TAF4: variants seen among roughly 807,000 people sequenced by gnomAD.
TAF4 encodes the protein TATA-box binding protein associated factor 4.
TAF4 carries 9 observed loss-of-function variants against 90.3 expected under a neutral mutation model. The ratio of observed to expected loss-of-function variants is 0.10; its 90% CI spans 0.06 to 0.17. TAF4 has a LOEUF of 0.17. Ranked by LOEUF, TAF4 falls within the 10% of genes least tolerant of loss-of-function variation. The probability of loss-of-function intolerance (pLI) is 1.00; values close to 1 mark genes in which losing one functional copy is unlikely to be tolerated. For synonymous variants in TAF4, 818 were observed against 638.9 expected (o/e 1.28, Z -4.23); for missense variants, 1,351 against 1,370.7 (o/e 0.99, Z 0.23).
chr20:62,054,536 G>A (rs1055469725), intron 1 of TAF4, among the ~76,000 whole-genome samples: 13 of 152,094 alleles, frequency 8.5e-5, no homozygotes, highest in Non-Finnish European at 1.5e-4. Flanking sequence ...TCTCAGCAAC[G>A]GCCACGCCAT....
chr20:62,034,258 G>C (rs892827120), intron 1 of TAF4, among the ~76,000 whole-genome samples: 4 of 152,196 alleles, frequency 2.6e-5, no homozygotes, highest in African/African-American at 4.8e-5. Context: ...AAGAGTGCTA[G>C]AGTAAGATCA....
Position 62,000,463 on chromosome 20 carries a change from G to T in TAF4, c.2656+89C>A. ...AATCACAAACTCAGACAAAACACAT[G>T]ACCAGGTGTCAGGTGTGCTCACCTG... is the stretch of plus-strand genomic sequence containing the variant. On this transcript the variant is annotated intron_variant, in intron 10 of 14. Coordinates refer to ENST00000252996, the MANE Select transcript of TAF4 (RefSeq NM_003185.4). The T allele has an allele frequency of 2.0e-6, 3 of 1,469,390 alleles. No individual in the cohort carries two copies. The South Asian group carries it at 4.0e-5, about 19-fold the overall frequency. 91.0% of individuals were successfully genotyped at this position (1,469,390 alleles called of 1,614,324 possible).
chr20:62,044,962 C>T (rs2055984847), intron 1 of TAF4, among the ~76,000 whole-genome samples: 1 of 152,156 alleles, frequency 6.6e-6, no homozygotes, highest in Non-Finnish European at 1.5e-5. Context: ...GCACAGGGAG[C>T]AGTCCGACAT....
Position 62,064,512 on chromosome 20 carries a change from G to C in TAF4, c.1299C>G (p.Ala433=). The part of the protein sequence containing the change: ...IRATLTPTVL[A]PRLPQPPQNP... ...TCTGAGGCGGCTGCGGCAAGCGGGG[G>C]GCCAGCACGGTGGGCGTCAGGGTGG... Residue 433 remains alanine, a synonymous_variant, in exon 1 of 15, where the codon GCC becomes GCG. Coordinates refer to ENST00000252996, the MANE Select transcript of TAF4 (RefSeq NM_003185.4). 1 of 1,529,278 alleles carries C rather than the reference G, an allele frequency of 6.5e-7. No individual in the cohort carries two copies. Among genetic ancestry groups the C allele is most frequent in the Admixed American group, 2.0e-5 (1 of 48,818 alleles). The allele number at this position is 1,529,278 out of a possible 1,614,324, so 94.7% of individuals were successfully genotyped here.
In TAF4 at chr20:62,006,951, C is replaced by G. The variant is rs1401787753; in HGVS notation, c.1975-193G>C. 5 of 650,300 alleles carry G rather than the reference C, an allele frequency of 7.7e-6. No homozygotes were observed. The East Asian group carries it at 1.4e-4, about 18-fold the overall frequency. The allele number at this position is 650,300 out of a possible 1,614,324, so 40.3% of individuals were successfully genotyped here. A position where few individuals can be genotyped will look rare whatever the true frequency, so the allele number is the denominator to read the frequency against. On this transcript the variant is annotated intron_variant, in intron 6 of 14. Transcript: ENST00000252996. This position sits in a 1 kb window ranked among gnomAD's most constrained non-coding sequence, Gnocchi z 7.0. ...GCCCTCCCACTAAGTGGGATTATTC[C>G]TGATAGCAAATGTCCAAAATGTGTT... is the stretch of plus-strand genomic sequence containing the variant.
chr20:62,017,629 AGAGC>A (rs1427714788), intron 1 of TAF4, among the ~76,000 whole-genome samples: 2 of 152,232 alleles, frequency 1.3e-5, no homozygotes, highest in East Asian at 3.8e-4. Flanking sequence ...TCTAGGCGAC[AGAGC>A]GAGACTCCGT....
At chr20:62,046,858 T>G (rs2055996252) in intron 1 of TAF4, among the ~76,000 whole-genome samples, 1 of 152,200 alleles carries the variant, frequency 6.6e-6, no homozygotes, top group African/African-American at 2.4e-5. Flanking sequence ...TGCTAGCCAT[T>G]TGTGTACCTT....
chr20:62,013,385 C>A (rs1185415387), intron 2 of TAF4, among the ~76,000 whole-genome samples: 1 of 152,248 alleles, frequency 6.6e-6, no homozygotes, highest in Non-Finnish European at 1.5e-5. Context: ...CGCCACAAGT[C>A]CTGAGCCCAT....
chr20:62,005,118 T>C (rs4925331), intron 7 of TAF4: 91,215 of 152,324 alleles, frequency 0.6, 27,763 homozygotes, highest in Middle Eastern at 0.75. Flanking sequence ...ACACCCACAC[T>C]GGACAGGAAG....
chr20:61,992,883 A>G (rs2055640220), intron 14 of TAF4, among the ~76,000 whole-genome samples: 1 of 152,208 alleles, frequency 6.6e-6, no homozygotes, highest in Non-Finnish European at 1.5e-5. Flanking sequence ...CACAGTCTGA[A>G]CTGCAACCAA....
intron 1 of TAF4, among the ~76,000 whole-genome samples, chr20:62,017,969 G>A (rs1221544893): frequency 1.3e-5 from 2 of 151,806 alleles, no homozygotes; most frequent in Non-Finnish European, 2.9e-5. Flanking sequence ...GAAGTGTAGG[G>A]AAACAGCCAT....
intron 7 of TAF4, chr20:62,005,753 TA>T (rs2093269174): frequency 1.3e-5 from 2 of 152,196 alleles, no homozygotes; most frequent in African/African-American, 4.8e-5. Context: ...GCCAGCCCCC[TA>T]ATGGCTACTC....
chr20:62,017,567 A>AGC (rs1307290222), intron 1 of TAF4, among the ~76,000 whole-genome samples: 1 of 152,204 alleles, frequency 6.6e-6, no homozygotes, highest in African/African-American at 2.4e-5. Context: ...GAATGGCATT[A>AGC]ACCTGGGAGG....
intron 4 of TAF4, among the ~76,000 whole-genome samples, chr20:62,009,427 T>G (rs1191225088): frequency 6.6e-6 from 1 of 152,080 alleles, no homozygotes; most frequent in Non-Finnish European, 1.5e-5. Flanking sequence ...TGCAAATAAT[T>G]AAAAAAGTGA....
intron 1 of TAF4, among the ~76,000 whole-genome samples, chr20:62,059,557 A>G (rs2056078422): frequency 1.3e-5 from 2 of 152,266 alleles, no homozygotes; most frequent in Non-Finnish European, 2.9e-5. Context: ...AGAAGCGTCC[A>G]GGAAGCCCAG....
intron 3 of TAF4, among the ~76,000 whole-genome samples, chr20:62,011,320 T>C (rs1600842577): frequency 2.0e-5 from 3 of 152,044 alleles, no homozygotes; most frequent in Admixed American, 2.0e-4. Context: ...CTTTTGGGAG[T>C]CTTCTTTCCC....
intron 14 of TAF4, among the ~76,000 whole-genome samples, chr20:61,996,264 C>T (rs2123118109): frequency 6.6e-6 from 1 of 152,246 alleles, no homozygotes; most frequent in Middle Eastern, 3.4e-3. Context: ...CACCTGTAGT[C>T]CCAGCTACTC....
intron 1 of TAF4, among the ~76,000 whole-genome samples, chr20:62,038,213 G>C (rs988784836): frequency 1.3e-5 from 2 of 151,984 alleles, no homozygotes. Context: ...ATTTTTACTA[G>C]AGACAGGGTT....
Position 62,010,133 on chromosome 20 carries a change from C to G in TAF4, c.1674G>C (p.Thr558=), listed in dbSNP as rs774121720. The G allele has an allele frequency of 2.2e-5, 35 of 1,613,826 alleles. No individual in the cohort carries two copies. Residue 558 remains threonine (T), a synonymous_variant, in exon 4 of 15, where the codon ACG becomes ACC. Transcript: ENST00000252996. This position sits in a 1 kb window ranked among gnomAD's most constrained non-coding sequence, Gnocchi z 4.5. ...CAGCCGTCGCCGTCCCAAGTGAAGCCGTCTGGGCAGCGCCACCCAGAACGA... is the reference window on the plus strand; with the variant it reads ...CAGCCGTCGCCGTCCCAAGTGAAGCGGTCTGGGCAGCGCCACCCAGAACGA... ...PQLVLGGAAQ[T]ASLGTATAVQ... is the part of the protein sequence containing the mutation.
Sources: allele counts gnomAD v4.1 joint callset (sites outside exome capture counted in the v4.1 genomes callset), GRCh38; gene constraint gnomAD v4.1.1; non-coding constraint Gnocchi (gnomAD v3.1); transcripts MANE v1.5; gene names NCBI Gene and HGNC (gene_info 2026-07-23, HGNC 2026-07-21).